The following TAFA2 variants were observed in gnomAD, a reference collection of about 807,000 sequenced individuals.
TAFA2 encodes the protein TAFA chemokine like family member 2.
In TAFA2, 7 loss-of-function variants were observed where a neutral mutation model predicts 18.8. The observed-to-expected ratio is 0.37, with a 90% confidence interval of 0.21 to 0.70. TAFA2 has a LOEUF of 0.70. Among genes scored for constraint, TAFA2 ranks in the 30% least tolerant of loss-of-function variants. The pLI is 0.53. For missense variants in TAFA2, 122 were observed against 158.1 expected, an observed-to-expected ratio of 0.77 and a Z score of 1.23; for synonymous variants, 60 against 54.2, an observed-to-expected ratio of 1.11 and a Z score of -0.47.
intron 1 of TAFA2, among the ~76,000 whole-genome samples, chr12:61,999,522 G>A (rs1880310013): frequency 6.6e-6 from 1 of 152,146 alleles, no homozygotes; most frequent in African/African-American, 2.4e-5. Flanking sequence ...TTCATTGTTG[G>A]TGAATTGACA....
At chr12:62,204,096 C>T (rs1172375671) in intron 1 of TAFA2, among the ~76,000 whole-genome samples, 1 of 152,100 alleles carries the variant, frequency 6.6e-6, no homozygotes, top group Non-Finnish European at 1.5e-5. Flanking sequence ...GCTCATGAAG[C>T]TTAGTTTGGC....
At chr12:62,234,346 G>T in intron 1 of TAFA2, 1 of 557,558 alleles carries the variant, frequency 1.8e-6, no homozygotes, top group Non-Finnish European at 3.4e-6. Flanking sequence ...GCAGTTGCCA[G>T]GTCCAGTGTT....
At chr12:62,169,369 G>C (rs2062461488) in intron 1 of TAFA2, among the ~76,000 whole-genome samples, 1 of 152,092 alleles carries the variant, frequency 6.6e-6, no homozygotes, top group Admixed American at 6.6e-5. Flanking sequence ...CCTCTCAAAA[G>C]CACCCCTACA....
intron 2 of TAFA2, among the ~76,000 whole-genome samples, chr12:61,831,697 A>T (rs1364438052): frequency 6.6e-6 from 1 of 152,036 alleles, no homozygotes; most frequent in Non-Finnish European, 1.5e-5. Flanking sequence ...TTTAATTTTT[A>T]ATTTTTTTTA....
rs543577225 is a variant in TAFA2, at chr12:62,015,891, G to A, written c.-1-148465C>T. 3.0e-4 allele frequency among the ~76,000 whole-genome samples: 45 copies of A among 152,306 alleles called. No individual in the cohort carries two copies. In the Middle Eastern group the frequency reaches 0.01, roughly 35 times the overall value. On this transcript the variant is annotated intron_variant, in intron 1 of 4. Transcript: ENST00000416284. ...AATGGTGGTTGCCAGGGGCTAGAGG[G>A]ATAGGAGAATGGGGATTTGTATTTA...
intron 1 of TAFA2, among the ~76,000 whole-genome samples, chr12:62,070,057 A>G (rs348643): frequency 0.66 from 100,479 of 151,984 alleles, 33,417 homozygotes; most frequent in Admixed American, 0.69. Context: ...TCTCAGCAAG[A>G]AACTAGAGGA....
In TAFA2 at chr12:61,941,439, T is replaced by C. The variant is rs61341500; in HGVS notation, c.-1-74013A>G. Reference sequence around the variant, plus strand: ...GATCTTGCCAAAATTAAGAATTTTGTTGGGGAGGAGCCAAGATGGCCGAAT... The same window carrying C: ...GATCTTGCCAAAATTAAGAATTTTGCTGGGGAGGAGCCAAGATGGCCGAAT... On this transcript the variant is annotated intron_variant, in intron 1 of 4. Coordinates refer to ENST00000416284, the MANE Select transcript of TAFA2 (RefSeq NM_178539.5). 8.0e-3 allele frequency among the ~76,000 whole-genome samples: 1,214 copies of C among 152,194 alleles called. 14 individuals are homozygous for C. The highest frequency in any genetic ancestry group is 0.028 in the African/African-American group (1,161 of 41,524).
intron 1 of TAFA2, among the ~76,000 whole-genome samples, chr12:61,879,122 G>A (rs190439187): frequency 2.5e-4 from 38 of 152,296 alleles, no homozygotes; most frequent in Middle Eastern, 3.4e-3. Context: ...GCAGGGAAAC[G>A]TGATGGCACC....
At chr12:61,962,336 A>G (rs1469833326) in intron 1 of TAFA2, among the ~76,000 whole-genome samples, 1 of 152,018 alleles carries the variant, frequency 6.6e-6, no homozygotes, top group Admixed American at 6.6e-5. Flanking sequence ...TTTTCCTTAC[A>G]GATATACTCT....
At chr12:62,049,088 G>A (rs1389555278) in intron 1 of TAFA2, among the ~76,000 whole-genome samples, 2 of 152,120 alleles carry the variant, frequency 1.3e-5, no homozygotes, top group African/African-American at 4.8e-5. Context: ...AGTCTCATTA[G>A]GTGGAGTACA....
intron 1 of TAFA2, among the ~76,000 whole-genome samples, chr12:61,947,485 A>ATAAT (rs1407887120): frequency 6.6e-6 from 1 of 152,046 alleles, no homozygotes; most frequent in Non-Finnish European, 1.5e-5. Context: ...AAATAAATAA[A>ATAAT]TAAAAAAGAA....
rs1869292117 is a variant in TAFA2, at chr12:61,709,434, A to T, written c.*972T>A. On this transcript the variant is annotated 3_prime_UTR_variant, in exon 5 of 5. Coordinates refer to ENST00000416284, the MANE Select transcript of TAFA2 (RefSeq NM_178539.5). ...AGAAAGTCTTTTAAAATGAGATAGG[A>T]CAGTTTTTTAAAAAATACTGGAAGA... The T allele has an allele frequency of 6.6e-6, 1 of 152,100 alleles. No individual in the cohort carries two copies. The highest frequency in any genetic ancestry group is 2.4e-5 in the African/African-American group (1 of 41,448). The allele number at this position is 152,100 out of a possible 1,614,324, so 9.4% of individuals were successfully genotyped here.
chr12:62,015,178 T>C (rs556028516), intron 1 of TAFA2, among the ~76,000 whole-genome samples: 4 of 152,338 alleles, frequency 2.6e-5, no homozygotes, highest in African/African-American at 4.8e-5. Context: ...TTTTTCCTTC[T>C]TATAATTTAC....
intron 2 of TAFA2, among the ~76,000 whole-genome samples, chr12:61,777,562 T>C (rs950748472): frequency 7.2e-5 from 11 of 151,800 alleles, no homozygotes; most frequent in Admixed American, 5.3e-4. Context: ...TTTTCTTACC[T>C]AAGAGTCAAT....
chr12:61,787,168 T>C (rs1419092329), intron 2 of TAFA2, among the ~76,000 whole-genome samples: 2 of 150,362 alleles, frequency 1.3e-5, no homozygotes, highest in African/African-American at 4.9e-5. Context: ...TTTAAAATAC[T>C]GAAAGAAAAA....
At chr12:62,037,317 C>T (rs971354085) in intron 1 of TAFA2, among the ~76,000 whole-genome samples, 10 of 152,294 alleles carry the variant, frequency 6.6e-5, no homozygotes, top group African/African-American at 2.4e-4. Flanking sequence ...GATCCAATGT[C>T]CTTAAGCACA....
At chr12:62,112,345 CAGAGAG>C (rs1869771135) in intron 1 of TAFA2, among the ~76,000 whole-genome samples, 1 of 152,164 alleles carries the variant, frequency 6.6e-6, no homozygotes, top group African/African-American at 2.4e-5. Flanking sequence ...AGGGTTTCTG[CAGAGAG>C]ATCTGCTGTT....
At chr12:61,720,725 T>A (rs569446735) in intron 4 of TAFA2, 9 of 362,190 alleles carry the variant, frequency 2.5e-5, no homozygotes, top group Non-Finnish European at 4.9e-5. Context: ...ATTTCTGGAG[T>A]TGTTTTGAAT....
rs2062315706 is a variant in TAFA2, at chr12:62,149,867, A to G, written c.-2+41392T>C. 1.3e-5 allele frequency among the ~76,000 whole-genome samples: 2 copies of G among 152,096 alleles called. 1 individual carries two copies. The highest frequency in any genetic ancestry group is 4.1e-4 in the South Asian group (2 of 4,826). The stretch of plus-strand genomic sequence containing the variant: ...TACAAGGAACTGCAATATGACAAAC[A>G]TTTCTGCCTTATTTGTGAAATTGCT... On this transcript the variant is annotated intron_variant, in intron 1 of 4. Transcript: ENST00000416284.
Sources: allele counts gnomAD v4.1 joint callset (sites outside exome capture counted in the v4.1 genomes callset), GRCh38; gene constraint gnomAD v4.1.1; transcripts MANE v1.5; gene names NCBI Gene and HGNC (gene_info 2026-07-23, HGNC 2026-07-21).